CCDC68: variants seen among roughly 807,000 people sequenced by gnomAD.
CCDC68 encodes coiled-coil domain-containing protein 68.
A neutral mutation model predicts 47.1 loss-of-function variants in CCDC68; 45 were observed. The observed-to-expected ratio is 0.96, with a 90% CI of 0.75 to 1.23. The LOEUF is 1.23. Among genes scored for constraint, CCDC68 ranks in the 50% most tolerant of loss-of-function variants. The pLI, the probability that CCDC68 is intolerant of heterozygous loss-of-function variation, is 0.00. For synonymous variants in CCDC68, 131 were observed against 129.5 expected (o/e 1.01, Z -0.08); for missense variants, 353 against 373.6 (o/e 0.94, Z 0.45).
chr18:54,945,149 G>A (rs1487127343), intron 2 of CCDC68, among the ~76,000 whole-genome samples: 1 of 152,096 alleles, frequency 6.6e-6, no homozygotes, highest in Non-Finnish European at 1.5e-5. Flanking sequence ...GAGGTAAAAA[G>A]GACATGCGGA....
chr18:54,940,957 C>G, intron 4 of CCDC68, 40 bp downstream of exon 4: 1 of 1,438,740 alleles, frequency 7.0e-7, no homozygotes, highest in Non-Finnish European at 9.7e-7. Context: ...TTTAAAAAGT[C>G]TAAATGGCTT....
At chr18:54,937,781 ACAGTGAGATATGATTTGTG>A in intron 5 of CCDC68, 157 bp downstream of exon 5, 1 of 477,968 alleles carries the variant, frequency 2.1e-6, no homozygotes, top group South Asian at 4.1e-5. Flanking sequence ...CAAAAATAAA[ACAGTGAGATATGATTTGTG>A]AAATATAAAA....
intron 8 of CCDC68, among the ~76,000 whole-genome samples, chr18:54,921,487 G>A (rs1450532801): frequency 6.6e-6 from 1 of 152,190 alleles, no homozygotes; most frequent in Non-Finnish European, 1.5e-5. Flanking sequence ...AGACAGGAGG[G>A]GAAGATAGGA....
chr18:54,901,857 C>T lies in CCDC68; in HGVS notation c.*2501G>A, dbSNP rs1364191124. 1 of 151,366 alleles carries T rather than the reference C, an allele frequency of 6.6e-6. No individual in the cohort carries two copies. Among genetic ancestry groups the T allele is most frequent in the African/African-American group, 2.4e-5 (1 of 41,180 alleles). 9.4% of individuals were successfully genotyped at this position (151,366 alleles called of 1,614,324 possible). On this transcript the variant is annotated 3_prime_UTR_variant, in exon 12 of 12. Coordinates refer to ENST00000591504, the MANE Select transcript of CCDC68 (RefSeq NM_025214.3). ...TATTTTAGCTGAATAAATATTATTC[C>T]CCCTTGTAATCTTGTTTTTTCACTG...
chr18:54,941,043 T>C lies in CCDC68; in HGVS notation c.158A>G (p.Lys53Arg). The change falls in exon 4 of 12, where the codon AAA (lysine) becomes AGA (arginine). Residue 53 changes from lysine to arginine, a missense_variant. Physicochemically the swap from Lys to Arg is conservative, Grantham distance 26. Transcript: ENST00000591504. ...TLQKIRTQMF[K>R]DEIRHDSTNH... The stretch of plus-strand genomic sequence containing the variant: ...TGTACTGTCATGTCTTATTTCATCT[T>C]TAAACATCTGGGTCCTGATCTTTTG... The C allele has an allele frequency of 1.2e-6, 2 of 1,613,066 alleles. No individual in the cohort carries two copies. The highest frequency in any genetic ancestry group is 1.7e-6 in the Non-Finnish European group (2 of 1,179,200).
chr18:54,911,811 G>T (rs1407622823), intron 10 of CCDC68, among the ~76,000 whole-genome samples: 1 of 152,140 alleles, frequency 6.6e-6, no homozygotes. Context: ...CCAGTTTCTC[G>T]ACCAATTCAG....
chr18:54,914,952 T>C (rs561100790), intron 10 of CCDC68, among the ~76,000 whole-genome samples: 2 of 152,166 alleles, frequency 1.3e-5, no homozygotes, highest in African/African-American at 4.8e-5. Context: ...AAACTCCTCA[T>C]TGGGAACAAT....
At chr18:54,909,436 C>T (rs1178937482) in intron 10 of CCDC68, among the ~76,000 whole-genome samples, 1 of 146,634 alleles carries the variant, frequency 6.8e-6, no homozygotes, top group Non-Finnish European at 1.5e-5. Context: ...GGCTGGAGTG[C>T]AGTGGCGCGA....
At chr18:54,955,745 T>C (rs1245381362) in intron 1 of CCDC68, among the ~76,000 whole-genome samples, 1 of 152,166 alleles carries the variant, frequency 6.6e-6, no homozygotes, top group Non-Finnish European at 1.5e-5. Context: ...TGAGGCAGAG[T>C]CTCGCTCTGT....
intron 7 of CCDC68, among the ~76,000 whole-genome samples, chr18:54,932,023 A>G (rs958153716): frequency 2.0e-5 from 3 of 152,142 alleles, no homozygotes; most frequent in Admixed American, 2.0e-4. Context: ...CAAAAGGCCC[A>G]GTACACCCTC....
chr18:54,917,954 T>G lies in CCDC68; in HGVS notation c.832A>C (p.Ile278Leu). The G allele has an allele frequency of 6.4e-7, 1 of 1,572,924 alleles. No individual in the cohort carries two copies. Among genetic ancestry groups the G allele is most frequent in the Non-Finnish European group, 8.7e-7 (1 of 1,146,776 alleles). ...KNNLKEQDKRIENLREKVNIL... is the reference protein window; with the variant it reads ...KNNLKEQDKRLENLREKVNIL... ...TTAACCTTTTCTCTGAGATTTTCAA[T>G]TCTTTTGTCTTGTTCTTTTAAATTA... The change falls in exon 10 of 12, where the codon ATT becomes CTT. Residue 278 changes from isoleucine (I) to leucine (L), a missense_variant. Transcript: ENST00000591504.
chr18:54,926,654 T>G (rs1224985639), intron 8 of CCDC68, among the ~76,000 whole-genome samples: 1 of 152,176 alleles, frequency 6.6e-6, no homozygotes, highest in Non-Finnish European at 1.5e-5. Flanking sequence ...GAAAATGGCT[T>G]TTTGCTAGTC....
At chr18:54,914,861 T>A (rs1279087883) in intron 10 of CCDC68, among the ~76,000 whole-genome samples, 1 of 152,218 alleles carries the variant, frequency 6.6e-6, no homozygotes, top group Non-Finnish European at 1.5e-5. Flanking sequence ...AAATACACCT[T>A]CCTTGTCTAA....
rs569190325 is a variant in CCDC68, at chr18:54,953,036, C to T, written c.-103+6300G>A. 1.1e-4 allele frequency among the ~76,000 whole-genome samples: 17 copies of T among 151,864 alleles called. No individual in the cohort carries two copies. In the South Asian group the frequency reaches 3.3e-3, roughly 30 times the overall value. ...TCAAAAAAAAAAAAGGAATGTATTA[C>T]GGATACACCCAACAACATAGATAAG... On this transcript the variant is annotated intron_variant, in intron 1 of 11. Coordinates refer to ENST00000591504, the MANE Select transcript of CCDC68 (RefSeq NM_025214.3).
chr18:54,922,112 C>A (rs190076606), intron 8 of CCDC68, among the ~76,000 whole-genome samples: 1 of 152,236 alleles, frequency 6.6e-6, no homozygotes, highest in East Asian at 1.9e-4. Context: ...CTCAGTATTT[C>A]CAAAATTCAA....
intron 6 of CCDC68, among the ~76,000 whole-genome samples, chr18:54,935,950 T>C (rs1034696101): frequency 7.9e-5 from 12 of 151,994 alleles, no homozygotes; most frequent in African/African-American, 1.2e-4. Flanking sequence ...CAGATTTTAT[T>C]GGTCCTAGTA....
intron 6 of CCDC68, 43 bp from the exon 7 acceptor site, chr18:54,934,991 C>CT: frequency 1.4e-6 from 2 of 1,476,658 alleles, no homozygotes; most frequent in Non-Finnish European, 1.8e-6. Flanking sequence ...CTCTGTTTTT[C>CT]TTAAACCTAT....
At chr18:54,930,066 G>A (rs2044216507) in intron 7 of CCDC68, among the ~76,000 whole-genome samples, 1 of 152,128 alleles carries the variant, frequency 6.6e-6, no homozygotes, top group African/African-American at 2.4e-5. Flanking sequence ...CTGTCCGGTA[G>A]AAGACATAAT....
In CCDC68 at chr18:54,955,846, G is replaced by GA. The variant is rs1213741940; in HGVS notation, c.-103+3489dup. Among the ~76,000 whole-genome samples the GA allele has an allele frequency of 4.7e-5, 7 of 149,126 alleles. No homozygotes were observed. The East Asian group carries it at 1.4e-3, about 30-fold the overall frequency. On this transcript the variant is annotated intron_variant, in intron 1 of 11. Coordinates refer to ENST00000591504, the MANE Select transcript of CCDC68 (RefSeq NM_025214.3). ...AATTCTCCTACCTCAGCCTCCCCAG[G>GA]AGCTGGGATTACAGGCGCATGCCAC...
Sources: allele counts gnomAD v4.1 joint callset (sites outside exome capture counted in the v4.1 genomes callset), GRCh38; gene constraint gnomAD v4.1.1; transcripts MANE v1.5; gene names NCBI Gene and HGNC (gene_info 2026-07-23, HGNC 2026-07-21).